The following RAD51B variants were observed in gnomAD, a reference collection of about 807,000 sequenced individuals.
The protein encoded by RAD51B is DNA repair protein RAD51 homolog 2.
In RAD51B, 38 loss-of-function variants were observed where a neutral mutation model predicts 42.2. That is an observed-to-expected ratio of 0.90 (90% confidence interval 0.70 to 1.18). RAD51B has a LOEUF of 1.18. Among genes scored for constraint, RAD51B ranks in the 50% most tolerant of loss-of-function variants. RAD51B has a pLI of 0.00. For missense variants in RAD51B, 373 were observed against 400.7 expected (o/e 0.93, Z 0.59); for synonymous variants, 154 against 145.2 (o/e 1.06, Z -0.43).
chr14:68,671,888 G>A (rs928377220), intron 11 of RAD51B, among the ~76,000 whole-genome samples: 1 of 152,100 alleles, frequency 6.6e-6, no homozygotes, highest in Non-Finnish European at 1.5e-5. Context: ...AGCAAAAACT[G>A]CGAGAGTGGT....
At position 67,881,437 on chromosome 14, in the gene RAD51B, T is replaced by C. The variant is rs147194998; in HGVS notation, c.453-4432T>C. ...ACCTCAAGTAGTTTCCCTTCACACA[T>C]GTGCAGATTAGTTCTCAAGTGGCCC... On this transcript the variant is annotated intron_variant, in intron 5 of 10. Transcript: ENST00000471583. 6.0e-4 allele frequency among the ~76,000 whole-genome samples: 92 copies of C among 152,332 alleles called. 1 individual carries two copies. In the East Asian group the frequency reaches 0.016, roughly 27 times the overall value.
intron 11 of RAD51B, among the ~76,000 whole-genome samples, chr14:68,668,617 C>T (rs946668479): frequency 1.5e-4 from 23 of 152,230 alleles, no homozygotes; most frequent in African/African-American, 4.6e-4. Context: ...ATCTATTTGT[C>T]ACTACAGCAG....
chr14:67,868,651 A>C (rs2042412729), intron 5 of RAD51B, among the ~76,000 whole-genome samples: 1 of 152,240 alleles, frequency 6.6e-6, no homozygotes, highest in Non-Finnish European at 1.5e-5. Context: ...ACAAACAAAA[A>C]GACAGCAGTA....
intron 8 of RAD51B, among the ~76,000 whole-genome samples, chr14:68,365,819 C>T (rs1395828966): frequency 3.3e-5 from 5 of 152,218 alleles, no homozygotes; most frequent in African/African-American, 1.2e-4. Context: ...TTTGTTATGT[C>T]TTTCACATAT....
At chr14:68,122,621 G>A (rs2077672813) in intron 7 of RAD51B, among the ~76,000 whole-genome samples, 1 of 152,148 alleles carries the variant, frequency 6.6e-6, no homozygotes, top group African/African-American at 2.4e-5. Flanking sequence ...CAACTTCTGT[G>A]AAGGCCAATC....
chr14:68,462,717 CA>C (rs1234467797), intron 9 of RAD51B, among the ~76,000 whole-genome samples: 1 of 152,048 alleles, frequency 6.6e-6, no homozygotes, highest in Admixed American at 6.5e-5. Context: ...ACTTTCCTTG[CA>C]AGGATAGGTA....
intron 7 of RAD51B, among the ~76,000 whole-genome samples, chr14:68,101,630 G>A (rs977539018): frequency 2.0e-5 from 3 of 152,228 alleles, no homozygotes; most frequent in Admixed American, 6.5e-5. Flanking sequence ...GGGCTTCCAT[G>A]GCCTTGGGCA....
chr14:67,840,074 TTTGATAAATG>T (rs770882946), intron 4 of RAD51B, among the ~76,000 whole-genome samples: 6 of 152,338 alleles, frequency 3.9e-5, no homozygotes, highest in Non-Finnish European at 7.4e-5. Context: ...TGTGATGAAC[TTTGATAAATG>T]TTGCACGTGT....
chr14:68,554,101 C>T (rs1201213543), intron 10 of RAD51B, among the ~76,000 whole-genome samples: 1 of 152,110 alleles, frequency 6.6e-6, no homozygotes, highest in Non-Finnish European at 1.5e-5. Flanking sequence ...AAAACTGAGG[C>T]TTAGAAAGGG....
At chr14:68,004,254 A>AC (rs1400319634) in intron 7 of RAD51B, among the ~76,000 whole-genome samples, 1 of 148,412 alleles carries the variant, frequency 6.7e-6, no homozygotes, top group Non-Finnish European at 1.5e-5. Flanking sequence ...AACGGCGTGA[A>AC]CCCGGGAGGT....
At chr14:68,453,986 A>G (rs1461809175) in intron 9 of RAD51B, among the ~76,000 whole-genome samples, 1 of 152,238 alleles carries the variant, frequency 6.6e-6, no homozygotes, top group East Asian at 1.9e-4. Context: ...TAAAGATGAC[A>G]TAAGAACAAG....
In RAD51B at chr14:68,500,911, G is replaced by A. The variant is rs73280312; in HGVS notation, c.1036+32661G>A. Among the ~76,000 whole-genome samples the A allele has an allele frequency of 8.6e-3, 1,302 of 152,270 alleles. 20 individuals carry two copies. Among genetic ancestry groups the A allele is most frequent in the African/African-American group, 0.029 (1,202 of 41,524 alleles). On this transcript the variant is annotated intron_variant, in intron 10 of 10. Transcript: ENST00000487270. ...ACACTGGCTGTTAAGAAGAGCTCTG[G>A]GGATCTCCTGTCCTGGGGCAAACTC...
At chr14:68,058,961 C>G (rs2076524469) in intron 7 of RAD51B, among the ~76,000 whole-genome samples, 1 of 152,080 alleles carries the variant, frequency 6.6e-6, no homozygotes, top group Admixed American at 6.6e-5. Context: ...TCAAATATAC[C>G]ACTTAGTGAA....
Position 68,636,515 on chromosome 14 carries a change from G to A in RAD51B, c.1037-14266G>A, listed in dbSNP as rs556459328. Among the ~76,000 whole-genome samples, 59 of 151,354 alleles carry A rather than the reference G, an allele frequency of 3.9e-4. No individual in the cohort carries two copies. In the South Asian group the frequency reaches 5.2e-3, roughly 13 times the overall value. ...GAAGAATCGCTTGAACCCAGGAGGC[G>A]GAGGTTGCAGTGAGCGGAGATTGTG... On this transcript the variant is annotated intron_variant, in intron 10 of 11. Coordinates refer to the RAD51B transcript ENST00000488612.
intron 11 of RAD51B, among the ~76,000 whole-genome samples, chr14:68,666,654 G>C (rs1422406979): frequency 6.6e-6 from 1 of 152,092 alleles, no homozygotes; most frequent in Non-Finnish European, 1.5e-5. Flanking sequence ...ACCCCTCTTG[G>C]TATGCTTAAC....
rs138188119 is a variant in RAD51B at position 67,859,357 on chromosome 14, A to G, written c.316-5646A>G. On this transcript the variant is annotated intron_variant, in intron 4 of 10. Transcript: ENST00000471583. The stretch of plus-strand genomic sequence containing the variant: ...TAATGAGAGTGGAAGTGAGCCACAC[A>G]CATGTATAGGTCAGAGCGGATGCTT... 6.4e-3 allele frequency among the ~76,000 whole-genome samples: 974 copies of G among 152,372 alleles called. 5 individuals are homozygous for G. Among genetic ancestry groups the G allele is most frequent in the Middle Eastern group, 0.01 (3 of 294 alleles).
chr14:68,057,857 GTT>G (rs398025508), intron 7 of RAD51B, among the ~76,000 whole-genome samples: 2 of 150,188 alleles, frequency 1.3e-5, no homozygotes, highest in East Asian at 1.9e-4. Context: ...GTGTGTGTGT[GTT>G]TGGTTGGCTT....
intron 7 of RAD51B, among the ~76,000 whole-genome samples, chr14:67,969,808 C>G (rs1378096221): frequency 6.6e-6 from 1 of 152,110 alleles, no homozygotes; most frequent in Non-Finnish European, 1.5e-5. Context: ...TCCAAAAGGA[C>G]TTGGTAACTG....
chr14:68,352,922 T>G (rs1186926108), intron 8 of RAD51B, among the ~76,000 whole-genome samples: 1 of 152,206 alleles, frequency 6.6e-6, no homozygotes, highest in Non-Finnish European at 1.5e-5. Context: ...GGAAGGGTTT[T>G]GATGGGAAAA....
Sources: allele counts gnomAD v4.1 joint callset (sites outside exome capture counted in the v4.1 genomes callset), GRCh38; gene constraint gnomAD v4.1.1; transcripts MANE v1.5; gene names NCBI Gene and HGNC (gene_info 2026-07-23, HGNC 2026-07-21).